The following MYRIP variants were observed in gnomAD, a reference collection of about 807,000 sequenced individuals.
MYRIP encodes the protein myosin VIIA and Rab interacting protein.
MYRIP carries 49 observed loss-of-function variants against 98.0 expected under a neutral mutation model. The observed-to-expected ratio is 0.50, with a 90% CI of 0.40 to 0.63. The LOEUF (loss-of-function observed/expected upper bound fraction) is 0.63, where lower values mean the gene tolerates loss of function less well. Among genes scored for constraint, MYRIP ranks in the 30% least tolerant of loss-of-function variants. MYRIP has a pLI of 0.00. For missense variants in MYRIP, 1,004 were observed against 1,058.2 expected (o/e 0.95, Z 0.71); for synonymous variants, 404 against 409.5 (o/e 0.99, Z 0.16).
At chr3:39,985,247 C>A (rs1313023412) in intron 2 of MYRIP, among the ~76,000 whole-genome samples, 1 of 143,416 alleles carries the variant, frequency 7.0e-6, no homozygotes, top group Admixed American at 7.1e-5. Context: ...ATCCAACTTA[C>A]AAGGGACGTG....
At position 40,166,926 on chromosome 3, in the gene MYRIP, G is replaced by A. The variant is rs763430506; in HGVS notation, c.631G>A (p.Ala211Thr). ...AIEEAISKAE[A>T]YGDSLDKQNE... ...TGAGGAAGCAATTTCCAAAGCAGAG[G>A]CATATGGGGACAGCCTGGTAGGGCC... Residue 211 changes from alanine to threonine, a missense_variant, in exon 6 of 17, where the codon GCA becomes ACA. Ala to Thr is a moderately conservative substitution (Grantham distance 58). Transcript: ENST00000302541. 28 of 1,613,910 alleles carry A rather than the reference G, an allele frequency of 1.7e-5. No homozygotes were observed. In the East Asian group the frequency reaches 6.2e-4, roughly 36 times the overall value.
chr3:40,000,444 G>C (rs758953362), intron 2 of MYRIP, among the ~76,000 whole-genome samples: 2 of 152,136 alleles, frequency 1.3e-5, no homozygotes, highest in Admixed American at 1.3e-4. Context: ...TGGCCGATTT[G>C]TGTCTTAAGT....
chr3:40,048,191 T>A (rs943363900), intron 3 of MYRIP, among the ~76,000 whole-genome samples: 1 of 152,198 alleles, frequency 6.6e-6, no homozygotes, highest in African/African-American at 2.4e-5. Flanking sequence ...TCTCAATAGT[T>A]GATAGTAGGT....
intron 2 of MYRIP, among the ~76,000 whole-genome samples, chr3:39,998,392 A>G (rs1946424960): frequency 6.6e-6 from 1 of 152,216 alleles, no homozygotes; most frequent in South Asian, 2.1e-4. Context: ...CCAATAGCAG[A>G]CAAACAGCCA....
Position 40,190,315 on chromosome 3 carries a change from A to C in MYRIP, c.1517A>C (p.Glu506Ala). 6.2e-7 allele frequency: 1 copy of C among 1,613,994 alleles called. No homozygotes were observed. Reference sequence around the variant, plus strand: ...TTCAACCCCCAGTTGGCCAGCAGGGAGACCTCGGACAGCAGCGAGCCGGAG... The same window carrying C: ...TTCAACCCCCAGTTGGCCAGCAGGGCGACCTCGGACAGCAGCGAGCCGGAG... Reference protein sequence around the residue: ...VNFNPQLASRETSDSSEPEEA... With the variant: ...VNFNPQLASRATSDSSEPEEA... The change falls in exon 10 of 17, where the codon GAG becomes GCG. Residue 506 changes from glutamate to alanine, a missense_variant. This residue lies in a region of MYRIP where 880 missense variants were observed against 907.7 expected (regional missense o/e 0.97). Transcript: ENST00000302541.
chr3:40,086,422 A>C (rs1948628102), intron 3 of MYRIP, among the ~76,000 whole-genome samples: 1 of 152,166 alleles, frequency 6.6e-6, no homozygotes, highest in African/African-American at 2.4e-5. Flanking sequence ...GGATGGGAAG[A>C]CTGTGGTAGA....
intron 8 of MYRIP, among the ~76,000 whole-genome samples, chr3:40,175,508 C>T (rs1174894558): frequency 6.6e-6 from 1 of 152,244 alleles, no homozygotes; most frequent in African/African-American, 2.4e-5. Context: ...CTGCTGCCCT[C>T]CTTTCCCATT....
intron 3 of MYRIP, among the ~76,000 whole-genome samples, chr3:40,077,699 A>G (rs1285867092): frequency 6.6e-6 from 1 of 152,236 alleles, no homozygotes; most frequent in African/African-American, 2.4e-5. Flanking sequence ...CCAAGGCCCC[A>G]CCACAGTAGC....
intron 1 of MYRIP, among the ~76,000 whole-genome samples, chr3:39,860,323 G>A (rs190806686): frequency 1.3e-5 from 2 of 152,310 alleles, no homozygotes; most frequent in Non-Finnish European, 2.9e-5. Context: ...TGCTTAGAGA[G>A]GTGGTAGGAG....
chr3:39,868,302 G>A (rs917944884), intron 1 of MYRIP, among the ~76,000 whole-genome samples: 2 of 152,166 alleles, frequency 1.3e-5, no homozygotes, highest in African/African-American at 4.8e-5. Context: ...TTACAAGGTT[G>A]TATCCATTTG....
chr3:39,894,256 C>T (rs1943553034), intron 1 of MYRIP, among the ~76,000 whole-genome samples: 1 of 152,160 alleles, frequency 6.6e-6, no homozygotes, highest in Non-Finnish European at 1.5e-5. Context: ...AACCAGCACC[C>T]AGATAAAGAA....
intron 1 of MYRIP, among the ~76,000 whole-genome samples, chr3:39,864,145 T>C (rs900644701): frequency 2.6e-5 from 4 of 152,136 alleles, no homozygotes; most frequent in Non-Finnish European, 4.4e-5. Flanking sequence ...TGAGGGAACA[T>C]ACTTCAAAAT....
At chr3:39,836,962 G>A (rs1941646335) in intron 1 of MYRIP, among the ~76,000 whole-genome samples, 1 of 152,144 alleles carries the variant, frequency 6.6e-6, no homozygotes, top group Non-Finnish European at 1.5e-5. Context: ...AGATTTAACT[G>A]GGGAAGACTC....
At position 39,984,987 on chromosome 3, in the gene MYRIP, G is replaced by A. The variant is rs1945996315; in HGVS notation, c.111-59063G>A. On this transcript the variant is annotated intron_variant, in intron 2 of 16. Coordinates refer to ENST00000302541, the MANE Select transcript of MYRIP (RefSeq NM_015460.4). The stretch of plus-strand genomic sequence containing the variant: ...TTTCTCTGATGGCCAGTGATGATGA[G>A]CATTTTTTCATGTGTTTTTTGGCTG... 2.0e-5 allele frequency among the ~76,000 whole-genome samples: 3 copies of A among 150,486 alleles called. No homozygotes were observed. The South Asian group carries it at 6.4e-4, about 32-fold the overall frequency.
chr3:40,100,105 C>A lies in MYRIP; in HGVS notation c.333-50943C>A, dbSNP rs1050165284. ...TTCTTAAGAAGACTACCTGGCTTATCCTCTGTCTGGGCTTTTCTGGCCATG... is the reference window on the plus strand; with the variant it reads ...TTCTTAAGAAGACTACCTGGCTTATACTCTGTCTGGGCTTTTCTGGCCATG... On this transcript the variant is annotated intron_variant, in intron 3 of 16. Transcript: ENST00000302541. 4 of 985,314 alleles carry A rather than the reference C, an allele frequency of 4.1e-6. No homozygotes were observed. In the African/African-American group the frequency reaches 7.0e-5, roughly 17 times the overall value. The allele number at this position is 985,314 out of a possible 1,614,324, so 61.0% of individuals were successfully genotyped here.
At chr3:40,159,615 G>A (rs1325367712) in intron 4 of MYRIP, among the ~76,000 whole-genome samples, 116 of 151,854 alleles carry the variant, frequency 7.6e-4, no homozygotes, top group East Asian at 4.1e-3. Flanking sequence ...CATTCTCCCC[G>A]TCACTTTCAG....
chr3:40,200,689 T>C (rs1575622519), intron 10 of MYRIP, among the ~76,000 whole-genome samples: 1 of 152,186 alleles, frequency 6.6e-6, no homozygotes, highest in Non-Finnish European at 1.5e-5. Context: ...CTATTCCATA[T>C]GGCAGGGACC....
In MYRIP at chr3:40,250,303, C is replaced by T. The variant is rs759560655; in HGVS notation, c.2344C>T (p.Arg782Trp). ...ACCATGTGTGCGCTTCACAAGAAGACGGGATCAGAAGCAAAGGACCCAGGT... is the reference window on the plus strand; with the variant it reads ...ACCATGTGTGCGCTTCACAAGAAGATGGGATCAGAAGCAAAGGACCCAGGT... Reference protein sequence around the residue: ...IAPCVRFTRRRDQKQRTQVQT... With the variant: ...IAPCVRFTRRWDQKQRTQVQT... Residue 782 changes from arginine (R) to tryptophan (W), a missense_variant, in exon 14 of 17, where the codon CGG becomes TGG. Physicochemically the swap from Arg to Trp is moderately radical, Grantham distance 101. Around this residue, in one of 3 missense-constraint regions of MYRIP, gnomAD observed 108 missense variants for 111.1 expected, o/e 0.97. Transcript: ENST00000302541. 31 of 1,613,922 alleles carry T rather than the reference C, an allele frequency of 1.9e-5. No individual in the cohort carries two copies. Among genetic ancestry groups the T allele is most frequent in the Middle Eastern group, 1.6e-4 (1 of 6,084 alleles).
At chr3:40,202,098 A>G (rs866492983) in intron 10 of MYRIP, among the ~76,000 whole-genome samples, 1 of 152,328 alleles carries the variant, frequency 6.6e-6, no homozygotes, top group African/African-American at 2.4e-5. Context: ...CTACTAAAAT[A>G]AAATCTAAAA....
Sources: allele counts gnomAD v4.1 joint callset (sites outside exome capture counted in the v4.1 genomes callset), GRCh38; gene constraint gnomAD v4.1.1; regional missense constraint gnomAD v4.1.1; transcripts MANE v1.5; gene names NCBI Gene and HGNC (gene_info 2026-07-23, HGNC 2026-07-21).